The following CECR2 variants were observed in gnomAD, a reference collection of about 807,000 sequenced individuals.
CECR2 encodes CECR2 histone acetyl-lysine reader.
CECR2 carries 30 observed loss-of-function variants against 154.5 expected under a neutral mutation model. The observed-to-expected ratio is 0.19, with a 90% CI of 0.15 to 0.26. The LOEUF is 0.26. Among genes scored for constraint, CECR2 ranks in the 10% least tolerant of loss-of-function variants. The pLI, the probability that CECR2 is intolerant of heterozygous loss-of-function variation, is 1.00. For synonymous variants in CECR2, 725 were observed against 683.7 expected (o/e 1.06, Z -0.94); for missense variants, 1,743 against 1,829.3 (o/e 0.95, Z 0.86).
intron 1 of CECR2, among the ~76,000 whole-genome samples, chr22:17,439,013 A>T (rs2054546510): frequency 6.6e-6 from 1 of 152,062 alleles, no homozygotes; most frequent in African/African-American, 2.4e-5. Flanking sequence ...TCATCTCTAC[A>T]CATTTTTTTT....
At position 17,549,333 on chromosome 22, in the gene CECR2, A is replaced by T. The variant is rs373901873; in HGVS notation, c.4046A>T (p.Tyr1349Phe). ...GTGATGCTGCAGACGGGGCCTCCCT[A>T]TACCCCTCAGCGGCCGGCCAGTCAC... Reference protein sequence around the residue: ...HSVMLQTGPPYTPQRPASHFQ... With the variant: ...HSVMLQTGPPFTPQRPASHFQ... Residue 1349 changes from tyrosine to phenylalanine, a missense_variant, in exon 17 of 19, where the codon TAT becomes TTT. Tyr to Phe is a conservative substitution (Grantham distance 22). Transcript: ENST00000262608. 2.8e-5 allele frequency: 45 copies of T among 1,613,886 alleles called. No individual in the cohort carries two copies. The African/African-American group carries it at 4.7e-4, about 17-fold the overall frequency.
rs530624379 is a variant in CECR2, at chr22:17,508,711, G to A, written c.871-3102G>A. Among the ~76,000 whole-genome samples the A allele has an allele frequency of 3.3e-5, 5 of 152,218 alleles. No individual in the cohort carries two copies. In the South Asian group the frequency reaches 1.0e-3, roughly 32 times the overall value. On this transcript the variant is annotated intron_variant, in intron 7 of 18. Coordinates refer to ENST00000262608, the MANE Select transcript of CECR2 (RefSeq NM_001290047.2). ...ATAGCCTAGCTGTGTAGTAGGCTATGCCATCTAGTCCCTGAATTCTATATT... is the reference window on the plus strand; with the variant it reads ...ATAGCCTAGCTGTGTAGTAGGCTATACCATCTAGTCCCTGAATTCTATATT...
intron 1 of CECR2, among the ~76,000 whole-genome samples, chr22:17,422,318 C>G (rs2054268231): frequency 1.3e-5 from 2 of 152,146 alleles, no homozygotes; most frequent in Non-Finnish European, 2.9e-5. Flanking sequence ...CTGCCTCAGT[C>G]CCCCGAGTAG....
At position 17,463,748 on chromosome 22, in the gene CECR2, G is replaced by A. The variant is rs147380938; in HGVS notation, c.127-13840G>A. On this transcript the variant is annotated intron_variant, in intron 1 of 18. Coordinates refer to ENST00000262608, the MANE Select transcript of CECR2 (RefSeq NM_001290047.2). ...TAAGGGGACTCCGGAGTTGAGGAGA[G>A]GTGGGGGGGTGTAATGAGAGCCAGC... is the stretch of plus-strand genomic sequence containing the variant. 4.8e-3 allele frequency among the ~76,000 whole-genome samples: 727 copies of A among 152,140 alleles called. 6 individuals carry two copies. Among genetic ancestry groups the A allele is most frequent in the African/African-American group, 0.016 (663 of 41,498 alleles).
At chr22:17,385,529 G>T (rs1395000889) in intron 1 of CECR2, among the ~76,000 whole-genome samples, 1 of 152,204 alleles carries the variant, frequency 6.6e-6, no homozygotes, top group African/African-American at 2.4e-5. Context: ...TGAGTTTGCT[G>T]TTTTATGTGG....
intron 1 of CECR2, among the ~76,000 whole-genome samples, chr22:17,468,536 A>G (rs1030166664): frequency 2.0e-5 from 3 of 152,006 alleles, no homozygotes; most frequent in Non-Finnish European, 4.4e-5. Flanking sequence ...TTTTTTAATT[A>G]GCAGAGTTTG....
intron 1 of CECR2, among the ~76,000 whole-genome samples, chr22:17,396,816 C>T (rs1359640565): frequency 1.3e-5 from 2 of 152,020 alleles, no homozygotes; most frequent in Non-Finnish European, 2.9e-5. Flanking sequence ...CAGCCCAGAA[C>T]CAGAAGGACA....
intron 1 of CECR2, among the ~76,000 whole-genome samples, chr22:17,377,602 A>G (rs557886280): frequency 2.9e-4 from 44 of 152,248 alleles, no homozygotes; most frequent in African/African-American, 1.0e-3. Context: ...CATGTCATCA[A>G]TAGCTAGAAC....
chr22:17,476,523 C>T lies in CECR2; in HGVS notation c.127-1065C>T, dbSNP rs1219504555. Among the ~76,000 whole-genome samples, 7 of 152,068 alleles carry T rather than the reference C, an allele frequency of 4.6e-5. No homozygotes were observed. In the East Asian group the frequency reaches 7.8e-4, roughly 17 times the overall value. On this transcript the variant is annotated intron_variant, in intron 1 of 18. Coordinates refer to ENST00000262608, the MANE Select transcript of CECR2 (RefSeq NM_001290047.2). ...GTGAGCCACCATGCCTGGCCAGAGC[C>T]GTATTATTTCTATATAAGAAGGAAA...
At chr22:17,424,047 G>A (rs1268800053) in intron 1 of CECR2, among the ~76,000 whole-genome samples, 1 of 152,028 alleles carries the variant, frequency 6.6e-6, no homozygotes, top group Non-Finnish European at 1.5e-5. Context: ...TAGCTCTTGA[G>A]ATTCTGTCAT....
Position 17,549,269 on chromosome 22 carries a change from G to A in CECR2, c.3982G>A (p.Gly1328Arg), listed in dbSNP as rs1422904426. The change falls in exon 17 of 19, where the codon GGA becomes AGA. Residue 1328 changes from glycine (G) to arginine (R), a missense_variant. Transcript: ENST00000262608. Reference sequence around the variant, plus strand: ...TGGAACTCCTCCGCCTCTGAGTTCAGGAATGGGATTTGGTTCATCTGCATT... The same window carrying A: ...TGGAACTCCTCCGCCTCTGAGTTCAAGAATGGGATTTGGTTCATCTGCATT... ...LYGTPPPLSS[G>R]MGFGSSAFPP... 1 of 1,614,016 alleles carries A rather than the reference G, an allele frequency of 6.2e-7. No homozygotes were observed. The highest frequency in any genetic ancestry group is 2.2e-5 in the East Asian group (1 of 44,884).
chr22:17,512,172 C>A (rs1464926768), intron 8 of CECR2, among the ~76,000 whole-genome samples: 2 of 151,962 alleles, frequency 1.3e-5, no homozygotes, highest in African/African-American at 2.4e-5. Context: ...AGGAGCAGTT[C>A]ACAAATGCAA....
chr22:17,507,533 G>A (rs1469866297), intron 7 of CECR2, among the ~76,000 whole-genome samples: 2 of 152,000 alleles, frequency 1.3e-5, no homozygotes, highest in African/African-American at 4.8e-5. Context: ...GTCACCTTAA[G>A]CCTTCTTTTA....
rs1197126802 is a variant in CECR2 at position 17,477,850 on chromosome 22, T to C, written c.221+168T>C. On this transcript the variant is annotated intron_variant, in intron 2 of 18. Coordinates refer to ENST00000262608, the MANE Select transcript of CECR2 (RefSeq NM_001290047.2). ...TTTCCAGGCTGTGTTTGGCTTATTC[T>C]GCAGTTGGGTTTTTATTCCATCATA... is the stretch of plus-strand genomic sequence containing the variant. 1.3e-5 allele frequency among the ~76,000 whole-genome samples: 2 copies of C among 152,236 alleles called. 1 individual carries two copies. The highest frequency in any genetic ancestry group is 4.1e-4 in the South Asian group (2 of 4,830).
intron 1 of CECR2, among the ~76,000 whole-genome samples, chr22:17,402,826 C>T (rs1220023263): frequency 2.7e-5 from 4 of 146,652 alleles, no homozygotes; most frequent in Admixed American, 1.4e-4. Context: ...GGCGCAATCT[C>T]GGCTCACTGC....
rs60595589 is a variant in CECR2 at position 17,498,977 on chromosome 22, TTTTATTTA to T, written c.406-414_406-407del. 7.3e-4 allele frequency among the ~76,000 whole-genome samples: 111 copies of T among 151,062 alleles called. 3 individuals are homozygous for T. In the South Asian group the frequency reaches 0.017, roughly 24 times the overall value. ...AAAATTACATAAGATACTTGGACAT[TTTTATTTA>T]TTTATTTATTTATTTATTGTTTGAG... On this transcript the variant is annotated intron_variant, in intron 3 of 18. Transcript: ENST00000262608.
intron 1 of CECR2, among the ~76,000 whole-genome samples, chr22:17,405,458 T>TATGAA (rs2053967767): frequency 9.0e-6 from 1 of 110,934 alleles, no homozygotes; most frequent in Admixed American, 1.0e-4. Flanking sequence ...AAATAAAAAA[T>TATGAA]ATAAAATAAA....
At chr22:17,502,164 C>T (rs78799850) in intron 5 of CECR2, among the ~76,000 whole-genome samples, 19,431 of 152,180 alleles carry the variant, frequency 0.13, 1,452 homozygotes, top group Non-Finnish European at 0.17. Context: ...TAATCTCCAA[C>T]GTCCCTGTGA....
intron 1 of CECR2, among the ~76,000 whole-genome samples, chr22:17,458,620 T>A (rs546471298): frequency 2.9e-4 from 44 of 152,258 alleles, no homozygotes; most frequent in African/African-American, 9.6e-4. Flanking sequence ...AACCTATAAT[T>A]ATTTCCAAGT....
Sources: allele counts gnomAD v4.1 joint callset (sites outside exome capture counted in the v4.1 genomes callset), GRCh38; gene constraint gnomAD v4.1.1; transcripts MANE v1.5; gene names NCBI Gene and HGNC (gene_info 2026-07-23, HGNC 2026-07-21).